SLC24A2: variants seen among roughly 807,000 people sequenced by gnomAD.
The protein encoded by SLC24A2 is solute carrier family 24 member 2.
Under a neutral mutation model 62.0 loss-of-function variants are expected in SLC24A2, and 36 were observed. The ratio of observed to expected loss-of-function variants is 0.58; its 90% CI spans 0.44 to 0.77. SLC24A2 has a LOEUF of 0.77. SLC24A2 is among the 30% of genes least tolerant of loss of function. SLC24A2 has a pLI of 0.00. For synonymous variants in SLC24A2, 358 were observed against 294.0 expected, an observed-to-expected ratio of 1.22 and a Z score of -2.23; for missense variants, 846 against 817.9, an observed-to-expected ratio of 1.03 and a Z score of -0.42.
At chr9:19,517,838 A>G (rs1444902375) in intron 10 of SLC24A2, among the ~76,000 whole-genome samples, 1 of 151,816 alleles carries the variant, frequency 6.6e-6, no homozygotes, top group South Asian at 2.1e-4. Flanking sequence ...AGCCATTGAC[A>G]GGGACTTGGC....
chr9:20,107,141 T>C, the SLC24A2 span, among the ~76,000 whole-genome samples: 175 of 152,266 alleles, frequency 1.1e-3, no homozygotes, highest in Middle Eastern at 3.4e-3. Context: ...TTACAAGGGA[T>C]GTGAAGGAGC....
Position 19,636,334 on chromosome 9 carries a change from T to TTC in SLC24A2, c.931-14036_931-14035insGA, listed in dbSNP as rs1564009853. On this transcript the variant is annotated intron_variant, in intron 2 of 10. Transcript: ENST00000341998. Reference sequence around the variant, plus strand: ...CTTTTCTTTTCTTTCTTTCTTTCTTTCTTTCTTTCTTTCTTTCTTTCTTTC... The same window carrying TTC: ...CTTTTCTTTTCTTTCTTTCTTTCTTTTCCTTTCTTTCTTTCTTTCTTTCTTTC... 6.1e-3 allele frequency among the ~76,000 whole-genome samples: 158 copies of TTC among 25,920 alleles called. 10 individuals are homozygous for TTC. Among genetic ancestry groups the TTC allele is most frequent in the Middle Eastern group, 0.019 (1 of 52 alleles). The allele number at this position is 25,920 out of a possible 152,430, so 17.0% of individuals were successfully genotyped here.
the SLC24A2 span, among the ~76,000 whole-genome samples, chr9:19,861,083 GC>G: frequency 6.6e-6 from 1 of 152,126 alleles, no homozygotes; most frequent in Non-Finnish European, 1.5e-5. Context: ...AGGGCTTTTA[GC>G]ATACATAACT....
chr9:20,011,263 C>T, the SLC24A2 span, among the ~76,000 whole-genome samples: 2 of 152,236 alleles, frequency 1.3e-5, no homozygotes, highest in African/African-American at 4.8e-5. Context: ...ACATCCTCTC[C>T]AGCATCTGTT....
At chr9:20,175,240 G>A in the SLC24A2 span, among the ~76,000 whole-genome samples, 2 of 151,856 alleles carry the variant, frequency 1.3e-5, no homozygotes, top group Admixed American at 1.3e-4. Flanking sequence ...AGGGGGAAAG[G>A]TGGGAAGGCG....
chr9:20,242,846 C>A, the SLC24A2 span, among the ~76,000 whole-genome samples: 1 of 152,180 alleles, frequency 6.6e-6, no homozygotes, highest in East Asian at 1.9e-4. Context: ...CACTGGTGAT[C>A]TAGTGCTGTC....
At chr9:19,851,962 T>C in the SLC24A2 span, among the ~76,000 whole-genome samples, 1 of 152,194 alleles carries the variant, frequency 6.6e-6, no homozygotes, top group Non-Finnish European at 1.5e-5. Flanking sequence ...ATAAAAGCGT[T>C]CCTGTTTCTC....
chr9:19,644,778 T>A (rs1414628789), intron 2 of SLC24A2, among the ~76,000 whole-genome samples: 2 of 152,170 alleles, frequency 1.3e-5, no homozygotes, highest in African/African-American at 4.8e-5. Flanking sequence ...AATGAATACT[T>A]GTAAATATCA....
At chr9:19,594,608 A>G (rs1219696463) in intron 5 of SLC24A2, among the ~76,000 whole-genome samples, 1 of 152,200 alleles carries the variant, frequency 6.6e-6, no homozygotes, top group Non-Finnish European at 1.5e-5. Context: ...GGACAATCAC[A>G]ACAAAGCCCT....
intron 2 of SLC24A2, among the ~76,000 whole-genome samples, chr9:19,659,211 C>T (rs1233065389): frequency 2.0e-5 from 3 of 152,060 alleles, no homozygotes; most frequent in Admixed American, 2.0e-4. Flanking sequence ...CAGCTGTAAG[C>T]CACGGAATGC....
At chr9:19,718,979 C>A (rs1820946512) in intron 2 of SLC24A2, among the ~76,000 whole-genome samples, 1 of 152,136 alleles carries the variant, frequency 6.6e-6, no homozygotes, top group Non-Finnish European at 1.5e-5. Flanking sequence ...AATCCAGGTG[C>A]AATAAGCTGT....
chr9:19,965,613 C>A, the SLC24A2 span, among the ~76,000 whole-genome samples: 1 of 152,102 alleles, frequency 6.6e-6, no homozygotes, highest in Non-Finnish European at 1.5e-5. Flanking sequence ...ATTGATTTAA[C>A]CTGTTTTGTC....
the SLC24A2 span, among the ~76,000 whole-genome samples, chr9:19,869,442 A>G: frequency 2.5e-3 from 387 of 152,154 alleles, 12 homozygotes; most frequent in East Asian, 0.07. Flanking sequence ...TTTGTCCTCC[A>G]GTAGTCTGAC....
At chr9:19,579,524 A>C (rs1285539051) in intron 5 of SLC24A2, among the ~76,000 whole-genome samples, 3 of 152,192 alleles carry the variant, frequency 2.0e-5, no homozygotes, top group Non-Finnish European at 4.4e-5. Flanking sequence ...TCTTCTAATA[A>C]AATCATCCCA....
chr9:19,563,709 T>TGTCGCCTAGGCTGGAG, intron 7 of SLC24A2, among the ~76,000 whole-genome samples: 1 of 140,336 alleles, frequency 7.1e-6, no homozygotes, highest in African/African-American at 3.1e-5. Context: ...TTACTTCCTT[T>TGTCGCCTAGGCTGGAG]TCCAACAATC....
chr9:19,570,172 T>G (rs776976602), intron 7 of SLC24A2, among the ~76,000 whole-genome samples: 1 of 152,232 alleles, frequency 6.6e-6, no homozygotes, highest in Non-Finnish European at 1.5e-5. Context: ...TGGAAGAAAT[T>G]TGAGCCAACT....
chr9:20,225,560 T>TTATATATATAATATATATATAA, the SLC24A2 span, among the ~76,000 whole-genome samples: 1 of 100,268 alleles, frequency 1.0e-5, no homozygotes, highest in Non-Finnish European at 1.8e-5. Flanking sequence ...ACTATATATA[T>TTATATATATAATATATATATAA]TATATATATA....
chr9:19,592,439 T>C (rs1836579869), intron 5 of SLC24A2, among the ~76,000 whole-genome samples: 1 of 152,170 alleles, frequency 6.6e-6, no homozygotes, highest in Non-Finnish European at 1.5e-5. Flanking sequence ...TCCCCACATA[T>C]TGCTTCATTG....
intron 8 of SLC24A2, among the ~76,000 whole-genome samples, chr9:19,545,009 C>A (rs1412329891): frequency 6.6e-6 from 1 of 152,140 alleles, no homozygotes; most frequent in Non-Finnish European, 1.5e-5. Flanking sequence ...TGGATGATAT[C>A]CCGAAAAGTG....
Sources: gnomAD v4.1 joint callset for allele counts (sites outside exome capture counted in the v4.1 genomes callset) on GRCh38, gnomAD v4.1.1 for gene constraint, MANE v1.5 for transcripts, NCBI Gene and HGNC (gene_info 2026-07-23, HGNC 2026-07-21) for gene names.